Variants in USP12 observed in about 807,000 individuals in gnomAD.
The protein encoded by USP12 is ubiquitin specific peptidase 12, also known as ubiquitin carboxyl-terminal hydrolase 12.
USP12 carries 19 observed loss-of-function variants against 45.5 expected under a neutral mutation model. That is an observed-to-expected ratio of 0.42 (90% CI 0.29 to 0.61). The LOEUF (loss-of-function observed/expected upper bound fraction) is 0.61. Ranked by LOEUF, USP12 falls within the 20% of genes least tolerant of loss-of-function variation. The pLI, the probability that USP12 is intolerant of heterozygous loss-of-function variation, is 0.22. For synonymous variants in USP12, 149 were observed against 148.8 expected (o/e 1.00, Z -0.01); for missense variants, 242 against 447.7 (o/e 0.54, Z 4.15).
At chr13:27,074,657 A>G (rs17085173) in intron 7 of USP12, among the ~76,000 whole-genome samples, 1,550 of 152,322 alleles carry the variant, frequency 0.01, 27 homozygotes, top group African/African-American at 0.031. Flanking sequence ...AATAAGGCCA[A>G]TTATAGGTAT....
At chr13:27,131,757 T>C (rs1343450856) in intron 1 of USP12, among the ~76,000 whole-genome samples, 1 of 152,232 alleles carries the variant, frequency 6.6e-6, no homozygotes, top group Non-Finnish European at 1.5e-5. Context: ...AAAGAGGGTG[T>C]AAAACTCAAA....
intron 1 of USP12, among the ~76,000 whole-genome samples, chr13:27,154,569 A>T (rs1413828392): frequency 6.6e-6 from 1 of 152,138 alleles, no homozygotes; most frequent in South Asian, 2.1e-4. Flanking sequence ...CTTCTTTCCA[A>T]TATTTCACCA....
intron 1 of USP12, among the ~76,000 whole-genome samples, chr13:27,126,696 A>C: frequency 6.6e-6 from 1 of 152,204 alleles, no homozygotes; most frequent in East Asian, 1.9e-4. Context: ...CCAGATTTGT[A>C]GCACCTATTG....
chr13:27,170,310 T>C (rs1878531618), intron 1 of USP12: 1 of 398,454 alleles, frequency 2.5e-6, no homozygotes. Context: ...AAGGCATCTT[T>C]CAGATCTGAT....
chr13:27,142,061 G>A (rs1486741346), intron 1 of USP12, among the ~76,000 whole-genome samples: 2 of 152,146 alleles, frequency 1.3e-5, no homozygotes, highest in African/African-American at 4.8e-5. Flanking sequence ...GGCAGAGGGT[G>A]CACTGAGCTG....
intron 6 of USP12, among the ~76,000 whole-genome samples, chr13:27,079,740 GCAAGCTCTGC>G (rs1413864709): frequency 6.6e-6 from 1 of 152,220 alleles, no homozygotes; most frequent in Admixed American, 6.5e-5. Context: ...GACACTATTT[GCAAGCTCTGC>G]CACAGATGAA....
At chr13:27,122,142 C>T (rs866459080) in intron 1 of USP12, among the ~76,000 whole-genome samples, 4 of 152,014 alleles carry the variant, frequency 2.6e-5, no homozygotes, top group South Asian at 4.1e-4. Flanking sequence ...GGCAACATGG[C>T]GAAACCCCGT....
At chr13:27,104,710 A>G (rs1022075272) in intron 3 of USP12, among the ~76,000 whole-genome samples, 2 of 152,324 alleles carry the variant, frequency 1.3e-5, no homozygotes, top group East Asian at 3.9e-4. Context: ...CTTATATTTC[A>G]GCGAACTAGA....
chr13:27,144,274 C>T (rs1419451491), intron 1 of USP12, among the ~76,000 whole-genome samples: 1 of 151,970 alleles, frequency 6.6e-6, no homozygotes, highest in Non-Finnish European at 1.5e-5. Flanking sequence ...AAGGTGGAAG[C>T]ATCACTTCAG....
chr13:27,131,969 A>G (rs1289160530), intron 1 of USP12, among the ~76,000 whole-genome samples: 7 of 145,198 alleles, frequency 4.8e-5, no homozygotes, highest in Non-Finnish European at 1.0e-4. Context: ...GCCACCTCCT[A>G]ATTTTTATTA....
intron 3 of USP12, among the ~76,000 whole-genome samples, chr13:27,100,966 T>C (rs893273091): frequency 1.3e-5 from 2 of 152,238 alleles, no homozygotes; most frequent in Non-Finnish European, 2.9e-5. Context: ...TTTTAGCATA[T>C]ACATGTTTTT....
intron 1 of USP12, among the ~76,000 whole-genome samples, chr13:27,128,150 TATAAG>T (rs1228383130): frequency 6.6e-6 from 1 of 152,160 alleles, no homozygotes. Flanking sequence ...GATATGGAAA[TATAAG>T]ATCACTGGAT....
At chr13:27,075,060 G>T in intron 7 of USP12, 131 bp downstream of exon 7, 1 of 768,644 alleles carries the variant, frequency 1.3e-6, no homozygotes, top group Non-Finnish European at 1.9e-6. Flanking sequence ...ACTCCATTTT[G>T]AAATAAAATT....
intron 1 of USP12, among the ~76,000 whole-genome samples, chr13:27,125,773 G>A (rs1208227774): frequency 3.9e-5 from 6 of 152,200 alleles, no homozygotes; most frequent in South Asian, 2.1e-4. Flanking sequence ...CTTTTCTGAC[G>A]GTCTTTGCAA....
At chr13:27,118,030 G>A (rs1479275313) in intron 1 of USP12, among the ~76,000 whole-genome samples, 4 of 147,992 alleles carry the variant, frequency 2.7e-5, no homozygotes, top group East Asian at 2.0e-4. Flanking sequence ...TATAACTGCC[G>A]GGACATTGCT....
intron 1 of USP12, among the ~76,000 whole-genome samples, chr13:27,145,212 T>C (rs1357719680): frequency 6.6e-6 from 1 of 152,228 alleles, no homozygotes; most frequent in Admixed American, 6.5e-5. Context: ...GTGAGTTTCC[T>C]TCTTGAAGAA....
Position 27,086,193 on chromosome 13 carries a change from AAAAAAT to A in USP12, c.734+3684_734+3689del, listed in dbSNP as rs1345389274. Among the ~76,000 whole-genome samples the A allele has an allele frequency of 1.4e-3, 97 of 66,928 alleles. 1 individual carries two copies. The highest frequency in any genetic ancestry group is 5.0e-3 in the African/African-American group (92 of 18,394). 43.9% of individuals were successfully genotyped at this position (66,928 alleles called of 152,430 possible). On this transcript the variant is annotated intron_variant, in intron 6 of 8. Coordinates refer to ENST00000282344, the MANE Select transcript of USP12 (RefSeq NM_182488.4). ...TCTCTTTAAAAAAAAAAAAAAAAAAAAAAAATATATATATATATATATATATGCGCA... is the reference window on the plus strand; with the variant it reads ...TCTCTTTAAAAAAAAAAAAAAAAAAAATATATATATATATATATATGCGCA...
At chr13:27,082,175 T>A (rs1252517810) in intron 6 of USP12, among the ~76,000 whole-genome samples, 1 of 152,222 alleles carries the variant, frequency 6.6e-6, no homozygotes, top group Non-Finnish European at 1.5e-5. Context: ...GAAGACTGTT[T>A]CCTCTATATT....
chr13:27,101,663 A>G (rs934107155), intron 3 of USP12, among the ~76,000 whole-genome samples: 1 of 152,238 alleles, frequency 6.6e-6, no homozygotes, highest in African/African-American at 2.4e-5. Context: ...GCAAAAAAAA[A>G]TGAAAAACAC....
Sources: allele counts gnomAD v4.1 joint callset (sites outside exome capture counted in the v4.1 genomes callset), GRCh38; gene constraint gnomAD v4.1.1; transcripts MANE v1.5; gene names NCBI Gene and HGNC (gene_info 2026-07-23, HGNC 2026-07-21).